SLC27A6: variants seen among roughly 807,000 people sequenced by gnomAD.
SLC27A6 encodes long-chain fatty acid transport protein 6.
SLC27A6 carries 74 observed loss-of-function variants against 63.9 expected under a neutral mutation model. The observed-to-expected ratio is 1.16, with a 90% CI of 0.96 to 1.40. SLC27A6 has a LOEUF of 1.40. Among genes scored for constraint, SLC27A6 ranks in the 40% most tolerant of loss-of-function variants. SLC27A6 has a pLI of 0.00. For synonymous variants in SLC27A6, 287 were observed against 260.8 expected, an observed-to-expected ratio of 1.10 and a Z score of -0.97; for missense variants, 794 against 732.9, an observed-to-expected ratio of 1.08 and a Z score of -0.96.
chr5:128,999,599 C>T (rs542998745), intron 4 of SLC27A6, among the ~76,000 whole-genome samples: 1 of 152,202 alleles, frequency 6.6e-6, no homozygotes, highest in African/African-American at 2.4e-5. Flanking sequence ...GACATCTTAC[C>T]TCAAAAATAG....
At chr5:128,993,359 TC>T (rs1751042423) in intron 4 of SLC27A6, among the ~76,000 whole-genome samples, 1 of 152,212 alleles carries the variant, frequency 6.6e-6, no homozygotes, top group Admixed American at 6.5e-5. Flanking sequence ...TTTCCTGAGC[TC>T]CTCAATAATG....
At chr5:129,032,650 T>C (rs1752448516) in intron 9 of SLC27A6, among the ~76,000 whole-genome samples, 1 of 152,012 alleles carries the variant, frequency 6.6e-6, no homozygotes, top group Non-Finnish European at 1.5e-5. Context: ...CCTCTGGGTA[T>C]ATTTAAGCCA....
intron 7 of SLC27A6, 31 bp downstream of exon 7, chr5:129,027,362 T>A: frequency 6.6e-7 from 1 of 1,514,766 alleles, no homozygotes; most frequent in Non-Finnish European, 9.1e-7. Context: ...CATAGCTTGT[T>A]CTGTAATTGT....
intron 4 of SLC27A6, 98 bp from the exon 5 acceptor site, chr5:129,015,787 A>G (rs1751870572): frequency 3.7e-6 from 3 of 809,390 alleles, no homozygotes; most frequent in South Asian, 1.7e-5. Flanking sequence ...GTTATTGCAC[A>G]TATGCAGTTT....
intron 9 of SLC27A6, among the ~76,000 whole-genome samples, chr5:129,030,035 C>T (rs1276775612): frequency 6.6e-6 from 1 of 151,892 alleles, no homozygotes; most frequent in Non-Finnish European, 1.5e-5. Context: ...GTGCTATGTG[C>T]CTAGAATTGG....
chr5:128,989,408 G>A (rs934767728), intron 3 of SLC27A6, among the ~76,000 whole-genome samples: 1 of 152,112 alleles, frequency 6.6e-6, no homozygotes, highest in African/African-American at 2.4e-5. Context: ...TATACAAACA[G>A]TGGAGATCAT....
chr5:128,966,967 C>A (rs1749927921), intron 1 of SLC27A6, among the ~76,000 whole-genome samples: 1 of 152,190 alleles, frequency 6.6e-6, no homozygotes, highest in Admixed American at 6.5e-5. Context: ...TATCTGACTT[C>A]ATTGTGACAC....
chr5:129,033,612 A>G lies in SLC27A6; in HGVS notation c.*330A>G, dbSNP rs1320186118. 2 of 153,944 alleles carry G rather than the reference A, an allele frequency of 1.3e-5. No homozygotes were observed. Among genetic ancestry groups the G allele is most frequent in the Non-Finnish European group, 2.9e-5 (2 of 69,322 alleles). The allele number at this position is 153,944 out of a possible 1,614,324, so 9.5% of individuals were successfully genotyped here. On this transcript the variant is annotated 3_prime_UTR_variant, in exon 10 of 10. Transcript: ENST00000262462. ...TAATAAGTAAAATTTCTAATTTTGA[A>G]TAAAAGATTAAATTTTACTGAAATA...
At chr5:128,969,759 T>G (rs1453185843) in intron 1 of SLC27A6, among the ~76,000 whole-genome samples, 4 of 152,208 alleles carry the variant, frequency 2.6e-5, no homozygotes, top group Non-Finnish European at 4.4e-5. Flanking sequence ...TTTTATTTCT[T>G]TCTCCTGCCT....
Position 129,027,135 on chromosome 5 carries a change from G to C in SLC27A6, c.1258G>C (p.Glu420Gln). 6.2e-7 allele frequency: 1 copy of C among 1,612,992 alleles called. No individual in the cohort carries two copies. Among genetic ancestry groups the C allele is most frequent in the Non-Finnish European group, 8.5e-7 (1 of 1,179,264 alleles). The change falls in exon 7 of 10, where the codon GAA (glutamate) becomes CAA (glutamine). Residue 420 changes from glutamate to glutamine, a missense_variant and splice_region_variant. By Grantham distance (29) the Glu-to-Gln change is conservative. Coordinates refer to ENST00000262462, the MANE Select transcript of SLC27A6 (RefSeq NM_001017372.3). ...QGWCIHVKKG[E>Q]PGLLISRVNA... ...AAAAATGTCGTTCTTTCTTGCAGGA[G>C]AACCTGGACTTCTCATTTCTCGAGT...
intron 4 of SLC27A6, among the ~76,000 whole-genome samples, chr5:128,999,309 G>A (rs185326574): frequency 9.9e-5 from 15 of 152,126 alleles, no homozygotes; most frequent in African/African-American, 3.4e-4. Flanking sequence ...ATGTCTTTAG[G>A]TTGGACTCAT....
intron 4 of SLC27A6, 90 bp downstream of exon 4, chr5:128,990,554 A>G (rs1355413495): frequency 3.9e-6 from 5 of 1,297,196 alleles, no homozygotes; most frequent in Non-Finnish European, 5.2e-6. Flanking sequence ...TTTATACTCT[A>G]CCTTTGTTAC....
chr5:129,007,018 A>T (rs1333082991), intron 4 of SLC27A6, among the ~76,000 whole-genome samples: 1 of 152,240 alleles, frequency 6.6e-6, no homozygotes, highest in Non-Finnish European at 1.5e-5. Context: ...TTCTAGATAA[A>T]TGTAATAGGT....
chr5:128,967,739 A>G (rs760759143), intron 1 of SLC27A6, among the ~76,000 whole-genome samples: 2 of 151,108 alleles, frequency 1.3e-5, no homozygotes, highest in Non-Finnish European at 3.0e-5. Context: ...AAAGTGGCAA[A>G]TGTATACTTT....
At chr5:128,973,403 C>T (rs779077266) in intron 1 of SLC27A6, among the ~76,000 whole-genome samples, 4 of 152,196 alleles carry the variant, frequency 2.6e-5, no homozygotes, top group Non-Finnish European at 5.9e-5. Context: ...GCACACAGCC[C>T]GGTTTGAGCT....
At chr5:129,000,012 A>G (rs967241895) in intron 4 of SLC27A6, among the ~76,000 whole-genome samples, 1 of 152,190 alleles carries the variant, frequency 6.6e-6, no homozygotes, top group African/African-American at 2.4e-5. Context: ...GAGCATCACT[A>G]GGGTGAAAGT....
chr5:129,024,559 T>A (rs187904326), intron 6 of SLC27A6, among the ~76,000 whole-genome samples: 49 of 152,230 alleles, frequency 3.2e-4, no homozygotes, highest in African/African-American at 1.2e-3. Flanking sequence ...TACTTTCCTC[T>A]CCTCAGCTTC....
At chr5:129,006,447 G>GTGTA (rs1751541957) in intron 4 of SLC27A6, among the ~76,000 whole-genome samples, 1 of 774 alleles carries the variant, frequency 1.3e-3, no homozygotes, top group Admixed American at 0.02. Context: ...ATATGCATGA[G>GTGTA]TGTGTGTGTG....
intron 1 of SLC27A6, among the ~76,000 whole-genome samples, chr5:128,976,373 G>A (rs958994584): frequency 6.6e-6 from 1 of 152,144 alleles, no homozygotes. Flanking sequence ...AATCAGCCAG[G>A]TTTGGTGGTG....
Sources: allele counts gnomAD v4.1 joint callset (sites outside exome capture counted in the v4.1 genomes callset), GRCh38; gene constraint gnomAD v4.1.1; transcripts MANE v1.5; gene names NCBI Gene and HGNC (gene_info 2026-07-23, HGNC 2026-07-21).